The following AKAP6 variants were observed in gnomAD, a reference collection of about 807,000 sequenced individuals.
AKAP6 encodes the protein A-kinase anchor protein 6.
A neutral mutation model predicts 188.5 loss-of-function variants in AKAP6; 58 were observed. The ratio of observed to expected loss-of-function variants is 0.31; its 90% CI spans 0.25 to 0.38. The LOEUF (loss-of-function observed/expected upper bound fraction) is 0.38, where lower values mean the gene tolerates loss of function less well. Ranked by LOEUF, AKAP6 falls within the 10% of genes least tolerant of loss-of-function variation. The probability of loss-of-function intolerance (pLI) is 1.00; values close to 1 mark genes in which losing one functional copy is unlikely to be tolerated. For missense variants in AKAP6, 2,710 were observed against 2,740.0 expected, an observed-to-expected ratio of 0.99 and a Z score of 0.24; for synonymous variants, 989 against 998.6, an observed-to-expected ratio of 0.99 and a Z score of 0.18.
rs555420780 is a variant in AKAP6 at position 32,548,770 on chromosome 14, C to A, written c.2346+1771C>A. Among the ~76,000 whole-genome samples the A allele has an allele frequency of 1.6e-4, 25 of 152,242 alleles. No homozygotes were observed. The East Asian group carries it at 4.8e-3, about 29-fold the overall frequency. ...TTCTTCTATAGTATCATGTTGCCTC[C>A]CTGAAAGGGGTTGTAGTTTCTCCTT... is the stretch of plus-strand genomic sequence containing the variant. On this transcript the variant is annotated intron_variant, in intron 4 of 13. Coordinates refer to ENST00000280979, the MANE Select transcript of AKAP6 (RefSeq NM_004274.5).
intron 4 of AKAP6, among the ~76,000 whole-genome samples, chr14:32,559,976 A>G (rs1312995440): frequency 6.6e-6 from 1 of 152,008 alleles, no homozygotes; most frequent in African/African-American, 2.4e-5. Context: ...ATAAAGGGCA[A>G]ATTGATAAAA....
intron 7 of AKAP6, among the ~76,000 whole-genome samples, chr14:32,620,249 C>G (rs567380119): frequency 5.3e-5 from 8 of 152,184 alleles, no homozygotes; most frequent in African/African-American, 1.9e-4. Flanking sequence ...CTCCAGTTCC[C>G]AGGGGGAATG....
chr14:32,805,638 T>G (rs1323734031), intron 12 of AKAP6, among the ~76,000 whole-genome samples: 1 of 152,222 alleles, frequency 6.6e-6, no homozygotes, highest in Non-Finnish European at 1.5e-5. Context: ...AAATTTTGAC[T>G]AAAGAGAAAA....
chr14:32,814,298 A>G (rs1269761588), intron 12 of AKAP6, among the ~76,000 whole-genome samples: 1 of 152,196 alleles, frequency 6.6e-6, no homozygotes, highest in Non-Finnish European at 1.5e-5. Context: ...ATCATTTTAA[A>G]GTGAGCAGTT....
chr14:32,414,269 A>C (rs930637799), intron 1 of AKAP6, among the ~76,000 whole-genome samples: 1 of 152,086 alleles, frequency 6.6e-6, no homozygotes, highest in Non-Finnish European at 1.5e-5. Flanking sequence ...CCCAAAGTGT[A>C]TACCAGGGAG....
intron 4 of AKAP6, among the ~76,000 whole-genome samples, chr14:32,557,943 A>C (rs1420530055): frequency 1.3e-5 from 2 of 152,042 alleles, no homozygotes; most frequent in African/African-American, 4.8e-5. Context: ...CAGATTCCAA[A>C]TATGATGACA....
intron 8 of AKAP6, among the ~76,000 whole-genome samples, chr14:32,679,126 C>T (rs1889564342): frequency 6.6e-6 from 1 of 151,962 alleles, no homozygotes. Context: ...ATTATGTGAA[C>T]GTTGTCTAAA....
intron 7 of AKAP6, among the ~76,000 whole-genome samples, chr14:32,676,343 A>G (rs1889424787): frequency 2.0e-5 from 3 of 152,192 alleles, no homozygotes; most frequent in Admixed American, 2.0e-4. Flanking sequence ...CCTTTTAAAA[A>G]TAAAATATTA....
chr14:32,835,322 T>C lies in AKAP6; in HGVS notation c.*5517T>C, dbSNP rs542806180. 1.3e-5 allele frequency: 2 copies of C among 152,316 alleles called. No individual in the cohort carries two copies. The highest frequency in any genetic ancestry group is 3.9e-4 in the East Asian group (2 of 5,192). 9.4% of individuals were successfully genotyped at this position (152,316 alleles called of 1,614,324 possible). ...ATTGCATTCTCAACTTGTTTCATAT[T>C]ACCTTAAAAAATAAAGTGCACTTAA... On this transcript the variant is annotated 3_prime_UTR_variant, in exon 14 of 14. Coordinates refer to ENST00000280979, the MANE Select transcript of AKAP6 (RefSeq NM_004274.5).
chr14:32,355,924 G>A (rs1396721277), intron 1 of AKAP6, among the ~76,000 whole-genome samples: 2 of 151,894 alleles, frequency 1.3e-5, no homozygotes, highest in Non-Finnish European at 2.9e-5. Context: ...ACAGGCGCCT[G>A]CCACCACACC....
chr14:32,569,840 T>G (rs1211468409), intron 4 of AKAP6, among the ~76,000 whole-genome samples: 1 of 152,194 alleles, frequency 6.6e-6, no homozygotes, highest in African/African-American at 2.4e-5. Context: ...GCTCTTATTT[T>G]TTGGTAGCCC....
intron 9 of AKAP6, chr14:32,718,193 A>AT: frequency 5.4e-6 from 4 of 745,784 alleles, no homozygotes; most frequent in Non-Finnish European, 6.5e-6. Flanking sequence ...CTATGTATCA[A>AT]TTTTTTATCT....
intron 4 of AKAP6, among the ~76,000 whole-genome samples, chr14:32,560,891 C>T (rs145738172): frequency 2.2e-4 from 33 of 152,266 alleles, no homozygotes; most frequent in African/African-American, 7.7e-4. Flanking sequence ...CCCTTGCAAA[C>T]TGTCGGGCAG....
chr14:32,644,681 C>G (rs1484008860), intron 7 of AKAP6, among the ~76,000 whole-genome samples: 1 of 151,994 alleles, frequency 6.6e-6, no homozygotes, highest in African/African-American at 2.4e-5. Flanking sequence ...ATCCCTTAGC[C>G]TCTGTTTCTC....
chr14:32,803,826 C>A (rs182106542), intron 12 of AKAP6, among the ~76,000 whole-genome samples: 339 of 152,288 alleles, frequency 2.2e-3, no homozygotes, highest in African/African-American at 7.4e-3. Context: ...TTGTCAAAAA[C>A]AAAACTGCTG....
chr14:32,791,934 T>C (rs2033621721), intron 12 of AKAP6, among the ~76,000 whole-genome samples: 1 of 152,142 alleles, frequency 6.6e-6, no homozygotes, highest in African/African-American at 2.4e-5. Context: ...TGGTTTTAGA[T>C]GTGTGGTGTT....
chr14:32,569,551 A>T (rs1884372838), intron 4 of AKAP6, among the ~76,000 whole-genome samples: 1 of 152,154 alleles, frequency 6.6e-6, no homozygotes, highest in Non-Finnish European at 1.5e-5. Context: ...CACATTAAGT[A>T]TATAGTTAGT....
At chr14:32,583,733 T>C (rs1255459725) in intron 5 of AKAP6, among the ~76,000 whole-genome samples, 1 of 152,192 alleles carries the variant, frequency 6.6e-6, no homozygotes, top group Non-Finnish European at 1.5e-5. Flanking sequence ...CTCAGACTGC[T>C]GTGCTAGAAA....
chr14:32,821,302 A>G (rs2034512131), intron 12 of AKAP6, 100 bp from the exon 13 acceptor site: 1 of 1,303,628 alleles, frequency 7.7e-7, no homozygotes, highest in African/African-American at 1.5e-5. Flanking sequence ...TGCTTGGGGC[A>G]GTTTTCTTTC....
Sources: allele counts gnomAD v4.1 joint callset (sites outside exome capture counted in the v4.1 genomes callset), GRCh38; gene constraint gnomAD v4.1.1; transcripts MANE v1.5; gene names NCBI Gene and HGNC (gene_info 2026-07-23, HGNC 2026-07-21).